The following AKAP13 variants were observed in gnomAD, a reference collection of about 807,000 sequenced individuals.
AKAP13 encodes A-kinase anchor protein 13.
A neutral mutation model predicts 264.5 loss-of-function variants in AKAP13; 80 were observed. The observed-to-expected ratio is 0.30, with a 90% CI of 0.25 to 0.36. The LOEUF (loss-of-function observed/expected upper bound fraction) is 0.36. Ranked by LOEUF, AKAP13 falls within the 10% of genes least tolerant of loss-of-function variation. The pLI is 1.00. For synonymous variants in AKAP13, 1,380 were observed against 1,250.2 expected, an observed-to-expected ratio of 1.10 and a Z score of -2.19; for missense variants, 3,712 against 3,435.2, an observed-to-expected ratio of 1.08 and a Z score of -2.01.
In AKAP13 at chr15:85,380,638, G is replaced by T. The variant is rs1361760187; in HGVS notation, c.-172G>T. ...CCAGCGCGGAGCCCGAGCAGCCGCG[G>T]TGAAGCGCCTGTGCTCTGCCGAGAC... On this transcript the variant is annotated 5_prime_UTR_variant, in exon 1 of 37. Coordinates refer to ENST00000394518, the MANE Select transcript of AKAP13 (RefSeq NM_007200.5). 1 of 149,682 alleles carries T rather than the reference G, an allele frequency of 6.7e-6. No individual in the cohort carries two copies. Among genetic ancestry groups the T allele is most frequent in the Non-Finnish European group, 1.5e-5 (1 of 67,384 alleles). 9.3% of individuals were successfully genotyped at this position (149,682 alleles called of 1,614,324 possible).
chr15:85,733,109 A>T (rs56322219), intron 30 of AKAP13, among the ~76,000 whole-genome samples: 29,380 of 152,094 alleles, frequency 0.19, 3,770 homozygotes, highest in Middle Eastern at 0.43. Context: ...AGTCATGTGG[A>T]TATGTGAAGC....
At chr15:85,665,877 A>C (rs1434814676) in intron 13 of AKAP13, among the ~76,000 whole-genome samples, 1 of 152,176 alleles carries the variant, frequency 6.6e-6, no homozygotes, top group Admixed American at 6.5e-5. Context: ...TTTTATGGCT[A>C]CATAGTATTC....
At chr15:85,652,886 G>A (rs150233766) in intron 10 of AKAP13, among the ~76,000 whole-genome samples, 3 of 152,106 alleles carry the variant, frequency 2.0e-5, no homozygotes, top group Admixed American at 2.0e-4. Flanking sequence ...CATTTGTGTT[G>A]GGATCTGGGG....
chr15:85,581,790 T>G lies in AKAP13; in HGVS notation c.3722T>G (p.Leu1241Arg), dbSNP rs2079146174. ...PCMVSAQDAP[L>R]PKGADLIEEA... ...ATGGTCTCTGCCCAGGACGCACCTCTGCCTAAGGGGGCAGACTTGATAGAG... is the reference window on the plus strand; with the variant it reads ...ATGGTCTCTGCCCAGGACGCACCTCGGCCTAAGGGGGCAGACTTGATAGAG... Residue 1241 changes from leucine (L) to arginine (R), a missense_variant, in exon 7 of 37, where the codon CTG (leucine) becomes CGG (arginine). Leu to Arg is a moderately radical substitution (Grantham distance 102). Around this residue, in one of 3 missense-constraint regions of AKAP13, gnomAD observed 2,759 missense variants for 2,411.7 expected, o/e 1.14. Transcript: ENST00000394518. The G allele has an allele frequency of 1.2e-6, 2 of 1,614,042 alleles. No homozygotes were observed. The highest frequency in any genetic ancestry group is 1.7e-6 in the Non-Finnish European group (2 of 1,180,002).
intron 1 of AKAP13, among the ~76,000 whole-genome samples, chr15:85,444,965 G>A (rs1039920043): frequency 6.6e-6 from 1 of 152,084 alleles, no homozygotes; most frequent in Non-Finnish European, 1.5e-5. Context: ...AAGTTGCAAA[G>A]GGGTCATGCA....
chr15:85,677,203 C>G (rs930349042), intron 14 of AKAP13: 1 of 876,140 alleles, frequency 1.1e-6, no homozygotes, highest in Non-Finnish European at 1.4e-6. Flanking sequence ...CTTTTAGCCT[C>G]TTGCATGCCA....
intron 1 of AKAP13, among the ~76,000 whole-genome samples, chr15:85,468,310 A>C (rs1332179556): frequency 6.6e-6 from 1 of 152,026 alleles, no homozygotes; most frequent in East Asian, 1.9e-4. Context: ...GCCCTTCTAG[A>C]GGTATATTGA....
At chr15:85,704,112 T>C (rs2086095434) in intron 17 of AKAP13, among the ~76,000 whole-genome samples, 1 of 152,304 alleles carries the variant, frequency 6.6e-6, no homozygotes, top group African/African-American at 2.4e-5. Flanking sequence ...AATCAGGTCA[T>C]TTTTCCCAGT....
At chr15:85,716,568 CAG>C (rs1250831452) in intron 20 of AKAP13, among the ~76,000 whole-genome samples, 1 of 152,178 alleles carries the variant, frequency 6.6e-6, no homozygotes, top group Non-Finnish European at 1.5e-5. Flanking sequence ...ATGTAGGACT[CAG>C]AGTATCTCTT....
At chr15:85,535,416 G>T (rs1288818117) in intron 4 of AKAP13, 3 of 152,202 alleles carry the variant, frequency 2.0e-5, no homozygotes. Context: ...AATCAAGGAA[G>T]AAAGGATTTA....
rs906978277 is a variant in AKAP13 at position 85,746,346 on chromosome 15, A to G, written c.*1669A>G. Reference sequence around the variant, plus strand: ...TTAAGGGTGAGCCAGGTCTAGCCCAACAGTCTAAACTATCCAGTCAATACC... The same window carrying G: ...TTAAGGGTGAGCCAGGTCTAGCCCAGCAGTCTAAACTATCCAGTCAATACC... On this transcript the variant is annotated 3_prime_UTR_variant, in exon 37 of 37. Transcript: ENST00000394518. The G allele has an allele frequency of 2.6e-5, 4 of 152,202 alleles. No individual in the cohort carries two copies. Among genetic ancestry groups the G allele is most frequent in the African/African-American group, 9.7e-5 (4 of 41,426 alleles). The allele number at this position is 152,202 out of a possible 1,614,324, so 9.4% of individuals were successfully genotyped here. A position where few individuals can be genotyped will look rare whatever the true frequency, so the allele number is the denominator to read the frequency against.
chr15:85,454,549 T>C (rs2074214774), intron 1 of AKAP13, among the ~76,000 whole-genome samples: 2 of 152,124 alleles, frequency 1.3e-5, no homozygotes, highest in African/African-American at 4.8e-5. Context: ...GTTGAAGGTG[T>C]TGTATTTACT....
At chr15:85,557,457 C>T (rs970563111) in intron 5 of AKAP13, among the ~76,000 whole-genome samples, 2 of 151,996 alleles carry the variant, frequency 1.3e-5, no homozygotes, top group African/African-American at 2.4e-5. Flanking sequence ...CTTTTGTTGT[C>T]GTTTTTGTTA....
At chr15:85,618,245 A>G (rs994573934) in intron 8 of AKAP13, among the ~76,000 whole-genome samples, 1 of 152,036 alleles carries the variant, frequency 6.6e-6, no homozygotes, top group Non-Finnish European at 1.5e-5. Context: ...GGACACAGCA[A>G]CTCATCTATA....
chr15:85,467,446 T>G (rs2074786280), intron 1 of AKAP13, among the ~76,000 whole-genome samples: 1 of 152,114 alleles, frequency 6.6e-6, no homozygotes, highest in Non-Finnish European at 1.5e-5. Context: ...AGCCATGAGT[T>G]ATTTGTGTCT....
intron 5 of AKAP13, among the ~76,000 whole-genome samples, chr15:85,551,620 A>G (rs867823373): frequency 3.7e-4 from 57 of 152,336 alleles, no homozygotes; most frequent in Admixed American, 2.6e-4. Context: ...AGAATGACAC[A>G]TATGTACTGA....
chr15:85,520,876 C>T (rs35513875), intron 2 of AKAP13, among the ~76,000 whole-genome samples: 18,345 of 152,290 alleles, frequency 0.12, 1,561 homozygotes, highest in South Asian at 0.34. Context: ...GCCTGCTGTG[C>T]ACTTAAGCTG....
At position 85,708,163 on chromosome 15, in the gene AKAP13, G is replaced by C. The variant is rs2086419446; in HGVS notation, c.5532+77G>C. The C allele has an allele frequency of 7.2e-7, 1 of 1,385,192 alleles. No individual in the cohort carries two copies. Among genetic ancestry groups the C allele is most frequent in the Admixed American group, 2.0e-5 (1 of 50,542 alleles). The allele number at this position is 1,385,192 out of a possible 1,614,324, so 85.8% of individuals were successfully genotyped here. A position where few individuals can be genotyped will look rare whatever the true frequency, so the allele number is the denominator to read the frequency against. ...AAAATCCTCGGGAGTTGGGAGAGTT[G>C]AGGTTGTGGTGGATTTTGTTTATTT... On this transcript the variant is annotated intron_variant, in intron 18 of 36. Transcript: ENST00000394518. This position sits in a 1 kb window ranked among gnomAD's most constrained non-coding sequence, Gnocchi z 4.3.
Position 85,630,172 on chromosome 15 carries a change from C to T in AKAP13, c.4162-9202C>T, listed in dbSNP as rs150323166. 7.4e-3 allele frequency among the ~76,000 whole-genome samples: 478 copies of T among 64,412 alleles called. 5 individuals carry two copies. The highest frequency in any genetic ancestry group is 0.015 in the South Asian group (31 of 2,076). The allele number at this position is 64,412 out of a possible 152,430, so 42.3% of individuals were successfully genotyped here. ...TTCTCTGTTTTTTAACACATACACA[C>T]ACACACACACACACACACACACACA... On this transcript the variant is annotated intron_variant, in intron 8 of 36. Coordinates refer to ENST00000394518, the MANE Select transcript of AKAP13 (RefSeq NM_007200.5).
Sources: gnomAD v4.1 joint callset for allele counts (sites outside exome capture counted in the v4.1 genomes callset) on GRCh38, gnomAD v4.1.1 for gene constraint, gnomAD v4.1.1 regional missense constraint, Gnocchi (gnomAD v3.1) non-coding constraint, MANE v1.5 for transcripts, NCBI Gene and HGNC (gene_info 2026-07-23, HGNC 2026-07-21) for gene names.